DOCK1: variants seen among roughly 807,000 people sequenced by gnomAD.
The protein encoded by DOCK1 is dedicator of cytokinesis protein 1.
DOCK1 carries 138 observed loss-of-function variants against 262.7 expected under a neutral mutation model. That is an observed-to-expected ratio of 0.53 (90% CI 0.46 to 0.61). DOCK1 has a LOEUF of 0.61. DOCK1 is among the 20% of genes least tolerant of loss of function. The probability of loss-of-function intolerance (pLI) is 0.00; values close to 1 mark genes in which losing one functional copy is unlikely to be tolerated. For missense variants in DOCK1, 1,908 were observed against 2,370.7 expected (o/e 0.80, Z 4.05); for synonymous variants, 866 against 867.4 (o/e 1.00, Z 0.03).
chr10:126,966,072 T>C (rs2037653035), intron 1 of DOCK1, among the ~76,000 whole-genome samples: 1 of 152,220 alleles, frequency 6.6e-6, no homozygotes, highest in South Asian at 2.1e-4. Flanking sequence ...TTTACTTCTA[T>C]AAGCTCAGTT....
At chr10:126,991,563 C>T (rs1026357079) in intron 6 of DOCK1, among the ~76,000 whole-genome samples, 17 of 151,892 alleles carry the variant, frequency 1.1e-4, no homozygotes, top group African/African-American at 3.4e-4. Context: ...GAGTTTCGGC[C>T]TTGTTGCCCA....
At chr10:127,317,278 G>A (rs1342327293) in intron 29 of DOCK1, among the ~76,000 whole-genome samples, 1 of 152,196 alleles carries the variant, frequency 6.6e-6, no homozygotes, top group Non-Finnish European at 1.5e-5. Context: ...GTACATCTGA[G>A]TTTGGACTAG....
At chr10:127,052,983 C>T (rs2044845482) in intron 22 of DOCK1, among the ~76,000 whole-genome samples, 168 bp downstream of exon 22, 1 of 152,106 alleles carries the variant, frequency 6.6e-6, no homozygotes, top group Middle Eastern at 3.2e-3. Context: ...GTGAGCTGCC[C>T]ACTCTTTCCT....
Position 126,998,225 on chromosome 10 carries a change from ACCCT to A in DOCK1, c.744_747del (p.Asp248GlufsTer24), listed in dbSNP as rs774239244. On this transcript the variant is annotated frameshift_variant, in exon 8 of 52. Transcript: ENST00000623213. LOFTEE classifies it high-confidence loss of function. ...GCTGAAGTCCTCATGTCTCTATATG[ACCCT>A]GTGGAGTCCAAATTCATCAGGTGGG... 131 of 1,613,882 alleles carry A rather than the reference ACCCT, an allele frequency of 8.1e-5. 3 individuals carry two copies. The highest frequency in any genetic ancestry group is 7.4e-4 in the South Asian group (67 of 91,064).
chr10:127,271,343 C>A (rs941251453), intron 29 of DOCK1, among the ~76,000 whole-genome samples: 18 of 152,088 alleles, frequency 1.2e-4, no homozygotes, highest in Non-Finnish European at 7.3e-5. Context: ...TTGTCAAGCT[C>A]CTGCTATTTT....
chr10:127,003,606 G>GTGA (rs1240381450), intron 10 of DOCK1, among the ~76,000 whole-genome samples: 1 of 152,120 alleles, frequency 6.6e-6, no homozygotes, highest in Non-Finnish European at 1.5e-5. Context: ...TGTGGCCTCT[G>GTGA]TGCTCACTCC....
chr10:126,949,981 G>GC (rs1316694966), intron 1 of DOCK1, among the ~76,000 whole-genome samples: 15 of 151,864 alleles, frequency 9.9e-5, no homozygotes, highest in Non-Finnish European at 4.4e-5. Flanking sequence ...AGAAACATTA[G>GC]CCCCCCAAAG....
chr10:127,399,945 C>G (rs977003304), intron 38 of DOCK1, among the ~76,000 whole-genome samples: 23 of 152,056 alleles, frequency 1.5e-4, no homozygotes, highest in African/African-American at 4.1e-4. Flanking sequence ...CTGAGATATT[C>G]CAGGAATGGG....
intron 29 of DOCK1, among the ~76,000 whole-genome samples, chr10:127,331,964 C>G (rs577031182): frequency 1.7e-4 from 26 of 152,332 alleles, no homozygotes; most frequent in African/African-American, 6.0e-4. Flanking sequence ...AAATGCCTAG[C>G]AGCAAAGCAG....
intron 28 of DOCK1, among the ~76,000 whole-genome samples, chr10:127,249,459 A>G (rs1049486509): frequency 6.7e-6 from 1 of 149,718 alleles, no homozygotes; most frequent in Non-Finnish European, 1.5e-5. Context: ...ACACACACAC[A>G]CACGCAGTCG....
At chr10:127,181,561 A>G (rs1468750993) in intron 27 of DOCK1, among the ~76,000 whole-genome samples, 3 of 152,230 alleles carry the variant, frequency 2.0e-5, no homozygotes, top group Admixed American at 6.5e-5. Context: ...AAGGGATTGT[A>G]TGAAATTATG....
intron 29 of DOCK1, among the ~76,000 whole-genome samples, chr10:127,324,685 C>T (rs1159378750): frequency 6.6e-6 from 1 of 152,110 alleles, no homozygotes. Flanking sequence ...TATCTCACCA[C>T]TTTGCTACCA....
intron 48 of DOCK1, among the ~76,000 whole-genome samples, chr10:127,435,289 A>G (rs1427719442): frequency 2.6e-5 from 4 of 152,144 alleles, no homozygotes; most frequent in African/African-American, 9.7e-5. Context: ...TTTGTTTACA[A>G]TCCATCACCC....
chr10:127,360,438 T>C (rs2064359945), intron 32 of DOCK1, among the ~76,000 whole-genome samples: 1 of 152,210 alleles, frequency 6.6e-6, no homozygotes, highest in Non-Finnish European at 1.5e-5. Flanking sequence ...TTCCTGATGG[T>C]GATCCTGCGC....
At position 127,277,634 on chromosome 10, in the gene DOCK1, G is replaced by A. The variant is rs114870900; in HGVS notation, c.3044+20205G>A. The stretch of plus-strand genomic sequence containing the variant: ...AATTATTAGCTGGGTGTGGTGGCGG[G>A]CACCTGTAATCACTGCTACTGGGGA... On this transcript the variant is annotated intron_variant, in intron 29 of 51. Transcript: ENST00000623213. Among the ~76,000 whole-genome samples the A allele has an allele frequency of 3.2e-3, 486 of 152,152 alleles. 2 individuals are homozygous for A. The highest frequency in any genetic ancestry group is 0.01 in the Middle Eastern group (3 of 294).
chr10:126,906,121 G>T (rs1341237802), intron 1 of DOCK1, among the ~76,000 whole-genome samples: 1 of 152,210 alleles, frequency 6.6e-6, no homozygotes, highest in Non-Finnish European at 1.5e-5. Flanking sequence ...CGGCGGTCTC[G>T]CTGGGGACCG....
intron 27 of DOCK1, among the ~76,000 whole-genome samples, chr10:127,209,426 G>A (rs1010149816): frequency 2.6e-5 from 4 of 152,168 alleles, no homozygotes; most frequent in Non-Finnish European, 4.4e-5. Flanking sequence ...GCCGCCTGGA[G>A]AGCAGAGCTA....
chr10:127,186,027 C>T (rs1305303155), intron 27 of DOCK1, among the ~76,000 whole-genome samples: 1 of 152,202 alleles, frequency 6.6e-6, no homozygotes, highest in Non-Finnish European at 1.5e-5. Context: ...TAAAAAATCT[C>T]AATAGCTTGG....
chr10:127,022,211 C>A (rs979250762), intron 13 of DOCK1, among the ~76,000 whole-genome samples: 1 of 152,016 alleles, frequency 6.6e-6, no homozygotes, highest in Admixed American at 6.6e-5. Flanking sequence ...TCTCTGTGGT[C>A]CCCATTCGGG....
Sources: gnomAD v4.1 joint callset for allele counts (sites outside exome capture counted in the v4.1 genomes callset) on GRCh38, gnomAD v4.1.1 for gene constraint, MANE v1.5 for transcripts, NCBI Gene and HGNC (gene_info 2026-07-23, HGNC 2026-07-21) for gene names.